RAF1: variants seen among roughly 807,000 people sequenced by gnomAD.
RAF1 encodes the protein Raf-1 proto-oncogene, serine/threonine kinase.
RAF1 carries 27 observed loss-of-function variants against 81.1 expected under a neutral mutation model. That is an observed-to-expected ratio of 0.33 (90% CI 0.25 to 0.46). The LOEUF is 0.46. Ranked by LOEUF, RAF1 falls within the 20% of genes least tolerant of loss-of-function variation. The pLI, the probability that RAF1 is intolerant of heterozygous loss-of-function variation, is 1.00. For synonymous variants in RAF1, 298 were observed against 294.0 expected (o/e 1.01, Z -0.14); for missense variants, 598 against 826.0 (o/e 0.72, Z 3.38).
chr3:12,664,041 C>T lies in RAF1; in HGVS notation c.-255G>A. On this transcript the variant is annotated 5_prime_UTR_variant, in exon 1 of 18. Coordinates refer to ENST00000442415, the MANE Select transcript of RAF1 (RefSeq NM_001354689.3). ...CCTTTTCGGGGCCCAAAAAAGGCAG[C>T]AGAAAGCCGTTCCCGCCTCACAATC... 2.5e-6 allele frequency: 1 copy of T among 398,526 alleles called. No homozygotes were observed. The highest frequency in any genetic ancestry group is 4.4e-6 in the Non-Finnish European group (1 of 225,996). The allele number at this position is 398,526 out of a possible 1,614,324, so 24.7% of individuals were successfully genotyped here.
intron 1 of RAF1, among the ~76,000 whole-genome samples, chr3:12,645,140 A>T (rs984705212): frequency 1.3e-5 from 2 of 151,806 alleles, no homozygotes; most frequent in Non-Finnish European, 2.9e-5. Context: ...CAGGACAAAA[A>T]TATCTAAGGT....
chr3:12,659,530 C>G (rs1326825214), intron 1 of RAF1, among the ~76,000 whole-genome samples: 2 of 150,554 alleles, frequency 1.3e-5, no homozygotes, highest in Admixed American at 1.3e-4. Flanking sequence ...TGAACCCAGT[C>G]AGATGAGCAA....
chr3:12,606,682 C>T (rs751222779), intron 5 of RAF1, among the ~76,000 whole-genome samples: 2 of 152,050 alleles, frequency 1.3e-5, no homozygotes, highest in Non-Finnish European at 2.9e-5. Context: ...CAGGCACACA[C>T]CACCATGCCC....
rs1211610767 is a variant in RAF1 at position 12,585,596 on chromosome 3, G to A, written c.1596+85C>T. 4 of 1,402,324 alleles carry A rather than the reference G, an allele frequency of 2.9e-6. No homozygotes were observed. In the East Asian group the frequency reaches 9.1e-5, roughly 32 times the overall value. The allele number at this position is 1,402,324 out of a possible 1,614,324, so 86.9% of individuals were successfully genotyped here. A position where few individuals can be genotyped will look rare whatever the true frequency, so the allele number is the denominator to read the frequency against. ...CATGTGGATTTCGGGGAAATGTACA[G>A]AAACGCTTTAAGTTTGCACATAAAT... On this transcript the variant is annotated intron_variant, in intron 15 of 17. Transcript: ENST00000442415.
chr3:12,618,512 T>C lies in RAF1; in HGVS notation c.207+3A>G. The C allele has an allele frequency of 1.2e-6, 2 of 1,614,148 alleles. No individual in the cohort carries two copies. The highest frequency in any genetic ancestry group is 1.7e-6 in the Non-Finnish European group (2 of 1,179,980). The stretch of plus-strand genomic sequence containing the variant: ...AAATTTCCTAAGTAGAATGTTCACA[T>C]ACCACTGTTCTTTGCTTGTTCGGCA... On this transcript the variant is annotated splice_donor_region_variant and intron_variant, in intron 2 of 17. Coordinates refer to ENST00000442415, the MANE Select transcript of RAF1 (RefSeq NM_001354689.3).
intron 1 of RAF1, among the ~76,000 whole-genome samples, chr3:12,654,999 G>GTCC (rs1346113034): frequency 9.7e-6 from 1 of 103,312 alleles, no homozygotes; most frequent in African/African-American, 3.8e-5. Flanking sequence ...AACATAGTGA[G>GTCC]ACCCCCCCCC....
chr3:12,629,252 C>G (rs1392956328), intron 1 of RAF1, among the ~76,000 whole-genome samples: 1 of 152,010 alleles, frequency 6.6e-6, no homozygotes, highest in Non-Finnish European at 1.5e-5. Context: ...GAACCACAAG[C>G]AAGTGTCCAT....
intron 7 of RAF1, among the ~76,000 whole-genome samples, chr3:12,603,904 C>T (rs944779438): frequency 6.6e-6 from 1 of 152,148 alleles, no homozygotes; most frequent in Non-Finnish European, 1.5e-5. Context: ...GGGAAGAGTT[C>T]AAATGTTAAC....
intron 1 of RAF1, among the ~76,000 whole-genome samples, chr3:12,620,912 CATTCA>C (rs2059538676): frequency 1.1e-4 from 1 of 8,736 alleles, no homozygotes; most frequent in Admixed American, 1.7e-3. Flanking sequence ...GAGTTCAGTT[CATTCA>C]GAGTTCAGAG....
intron 7 of RAF1, 45 bp downstream of exon 7, chr3:12,604,091 C>A (rs2125396421): frequency 1.2e-6 from 2 of 1,608,116 alleles, no homozygotes; most frequent in South Asian, 2.2e-5. Context: ...ATCAACCTCA[C>A]CCCATTAATT....
chr3:12,625,048 A>G (rs1273050680), intron 1 of RAF1, among the ~76,000 whole-genome samples: 1 of 152,118 alleles, frequency 6.6e-6, no homozygotes. Context: ...ACACAAATAT[A>G]AAAACTATTT....
chr3:12,641,801 C>T (rs2060195333), intron 1 of RAF1, among the ~76,000 whole-genome samples: 1 of 152,056 alleles, frequency 6.6e-6, no homozygotes, highest in South Asian at 2.1e-4. Context: ...CCCAAAAATG[C>T]TTTCTTAAGT....
chr3:12,606,284 G>T lies in RAF1; in HGVS notation c.597C>A (p.Ser199=), dbSNP rs1375623712. ...CTGGGACTCCACTATCACCAATAGT[G>T]GAATTTGGAAACAATCTAAACAAAA... Residue 199 remains serine, a synonymous_variant, in exon 6 of 18, where the codon TCC becomes TCA. Coordinates refer to ENST00000442415, the MANE Select transcript of RAF1 (RefSeq NM_001354689.3). The T allele has an allele frequency of 6.2e-7, 1 of 1,612,472 alleles. No homozygotes were observed. The highest frequency in any genetic ancestry group is 1.3e-5 in the African/African-American group (1 of 74,870).
At chr3:12,620,384 G>A (rs1053623542) in intron 1 of RAF1, among the ~76,000 whole-genome samples, 6 of 152,032 alleles carry the variant, frequency 3.9e-5, no homozygotes, top group African/African-American at 9.7e-5. Flanking sequence ...TGTCCGCCTC[G>A]GCCTCCCAAA....
intron 1 of RAF1, among the ~76,000 whole-genome samples, chr3:12,618,998 C>T (rs2059464794): frequency 1.3e-5 from 2 of 152,204 alleles, no homozygotes; most frequent in Admixed American, 6.5e-5. Context: ...GTAATCCCAG[C>T]ACTTTGGGAG....
chr3:12,600,039 T>G, intron 10 of RAF1, 113 bp downstream of exon 9: 1 of 1,493,592 alleles, frequency 6.7e-7, no homozygotes, highest in Non-Finnish European at 9.3e-7. Context: ...ATCTCCTTCA[T>G]TGAATGTATT....
intron 1 of RAF1, among the ~76,000 whole-genome samples, chr3:12,634,740 A>G (rs1285303328): frequency 6.6e-6 from 1 of 152,092 alleles, no homozygotes; most frequent in Non-Finnish European, 1.5e-5. Flanking sequence ...GGGAAGGAGT[A>G]ACAGAGAAGG....
rs1232843195 is a variant in RAF1 at position 12,608,814 on chromosome 3, G to C, written c.533C>G (p.Thr178Ser). Residue 178 changes from threonine (T) to serine (S), a missense_variant, in exon 5 of 18, where the codon ACC (threonine) becomes AGC (serine). This residue lies in a region of RAF1 where 89 missense variants were observed against 169.2 expected (regional missense o/e 0.53). Coordinates refer to ENST00000442415, the MANE Select transcript of RAF1 (RefSeq NM_001354689.3). Reference sequence around the variant, plus strand: ...GTCCACACACATAGTAGGTACTTTGGTGCTACAGTGCTCATGAAATTTGTA... The same window carrying C: ...GTCCACACACATAGTAGGTACTTTGCTGCTACAGTGCTCATGAAATTTGTA... 1 of 1,614,076 alleles carries C rather than the reference G, an allele frequency of 6.2e-7. No homozygotes were observed. Among genetic ancestry groups the C allele is most frequent in the Non-Finnish European group, 8.5e-7 (1 of 1,179,992 alleles).
chr3:12,615,469 T>G (rs1180640772), intron 2 of RAF1, among the ~76,000 whole-genome samples: 2 of 152,172 alleles, frequency 1.3e-5, no homozygotes, highest in African/African-American at 4.8e-5. Flanking sequence ...TGAGAGTCAT[T>G]CTGGGTTCAG....
Sources: gnomAD v4.1 joint callset for allele counts (sites outside exome capture counted in the v4.1 genomes callset) on GRCh38, gnomAD v4.1.1 for gene constraint, gnomAD v4.1.1 regional missense constraint, MANE v1.5 for transcripts, NCBI Gene and HGNC (gene_info 2026-07-23, HGNC 2026-07-21) for gene names.